Variants in CMTM7 observed in about 807,000 individuals in gnomAD.
The protein encoded by CMTM7 is CKLF-like MARVEL transmembrane domain-containing protein 7.
In CMTM7, 7 loss-of-function variants were observed where a neutral mutation model predicts 19.3. That is an observed-to-expected ratio of 0.36 (90% confidence interval 0.21 to 0.68). The LOEUF (loss-of-function observed/expected upper bound fraction) is 0.68. Ranked by LOEUF, CMTM7 falls within the 30% of genes least tolerant of loss-of-function variation. The pLI is 0.60. For synonymous variants in CMTM7, 87 were observed against 99.3 expected (o/e 0.88, Z 0.74); for missense variants, 193 against 232.6 (o/e 0.83, Z 1.11).
At chr3:32,408,986 G>A (rs989574365) in intron 1 of CMTM7, among the ~76,000 whole-genome samples, 4 of 151,990 alleles carry the variant, frequency 2.6e-5, no homozygotes, top group African/African-American at 7.2e-5. Flanking sequence ...GGGTTCAAGC[G>A]GTTCTCTTGC....
Position 32,391,939 on chromosome 3 carries a change from G to A in CMTM7, c.33G>A (p.Thr11=), listed in dbSNP as rs1187035524. 9 of 1,228,446 alleles carry A rather than the reference G, an allele frequency of 7.3e-6. No homozygotes were observed. The highest frequency in any genetic ancestry group is 9.1e-6 in the Non-Finnish European group (9 of 985,502). The allele number at this position is 1,228,446 out of a possible 1,614,324, so 76.1% of individuals were successfully genotyped here. Reference sequence around the variant, plus strand: ...ACGGAGCCGGGCTCGTCCGCACCACGTGCAGCAGCGGCAGCGCGCTCGGAC... The same window carrying A: ...ACGGAGCCGGGCTCGTCCGCACCACATGCAGCAGCGGCAGCGCGCTCGGAC... MSHGAGLVRT[T]CSSGSALGPG... Residue 11 remains threonine, a synonymous_variant, in exon 1 of 5, where the codon ACG becomes ACA. Transcript: ENST00000334983.
chr3:32,414,504 A>C (rs933266428), intron 1 of CMTM7, among the ~76,000 whole-genome samples: 1 of 152,194 alleles, frequency 6.6e-6, no homozygotes, highest in Non-Finnish European at 1.5e-5. Flanking sequence ...TGTCCACTCT[A>C]AGTCAATGTC....
At chr3:32,442,035 G>A in intron 2 of CMTM7, 22 bp downstream of exon 2, 1 of 1,610,842 alleles carries the variant, frequency 6.2e-7, no homozygotes, top group Non-Finnish European at 8.5e-7. Flanking sequence ...GTCTGGCCCT[G>A]TCCTCCGCAT....
At chr3:32,408,930 T>C (rs1696132054) in intron 1 of CMTM7, among the ~76,000 whole-genome samples, 1 of 152,100 alleles carries the variant, frequency 6.6e-6, no homozygotes, top group African/African-American at 2.4e-5. Context: ...GTCGCCAGGC[T>C]GGAGTGCAGT....
intron 1 of CMTM7, among the ~76,000 whole-genome samples, chr3:32,423,266 T>C (rs771587757): frequency 1.3e-5 from 2 of 152,166 alleles, no homozygotes; most frequent in Non-Finnish European, 2.9e-5. Flanking sequence ...AAAGCACACA[T>C]TGGGTGGTAT....
chr3:32,442,292 C>T (rs1407887371), intron 2 of CMTM7, among the ~76,000 whole-genome samples: 3 of 151,512 alleles, frequency 2.0e-5, no homozygotes, highest in African/African-American at 7.3e-5. Flanking sequence ...GGGCGGATCA[C>T]GAGGTCAGGA....
chr3:32,408,657 C>T (rs964896786), intron 1 of CMTM7, among the ~76,000 whole-genome samples: 4 of 152,196 alleles, frequency 2.6e-5, no homozygotes, highest in African/African-American at 9.6e-5. Flanking sequence ...TAGCCTTCCA[C>T]AGATGATGAA....
At chr3:32,392,800 G>A (rs570728872) in intron 1 of CMTM7, among the ~76,000 whole-genome samples, 1 of 152,294 alleles carries the variant, frequency 6.6e-6, no homozygotes, top group East Asian at 1.9e-4. Flanking sequence ...GAGTGTCTGG[G>A]CTTGGATTGT....
intron 1 of CMTM7, among the ~76,000 whole-genome samples, chr3:32,423,001 G>C (rs926560382): frequency 6.6e-6 from 1 of 152,188 alleles, no homozygotes; most frequent in African/African-American, 2.4e-5. Context: ...CATCATAACT[G>C]TAGGCACAAA....
rs1559405694 is a variant in CMTM7 at position 32,416,366 on chromosome 3, T to TCTTTC, written c.159+24301_159+24302insCTTTC. Among the ~76,000 whole-genome samples the TCTTTC allele has an allele frequency of 1.9e-4, 9 of 48,322 alleles. 3 individuals are homozygous for TCTTTC. The highest frequency in any genetic ancestry group is 2.0e-4 in the Admixed American group (1 of 5,072). The allele number at this position is 48,322 out of a possible 152,430, so 31.7% of individuals were successfully genotyped here. A position where few individuals can be genotyped will look rare whatever the true frequency, so the allele number is the denominator to read the frequency against. ...GTGCGCCACCATCCGGGCTAATTTT[T>TCTTTC]TTTTTTTTTTTTTTTTTTTTTTTTT... On this transcript the variant is annotated intron_variant, in intron 1 of 4. Transcript: ENST00000334983.
At chr3:32,421,418 G>A (rs1575116122) in intron 1 of CMTM7, among the ~76,000 whole-genome samples, 1 of 152,020 alleles carries the variant, frequency 6.6e-6, no homozygotes, top group Admixed American at 6.6e-5. Context: ...ATATACTCTT[G>A]TGCTTTCCCA....
chr3:32,430,714 T>TGTGTGTGTGTGTGA lies in CMTM7; in HGVS notation c.160-11125_160-11124insTGTGTGTGTGTGAG, dbSNP rs10634592. Among the ~76,000 whole-genome samples the TGTGTGTGTGTGTGA allele has an allele frequency of 3.7e-3, 558 of 149,666 alleles. 3 individuals are homozygous for TGTGTGTGTGTGTGA. Among genetic ancestry groups the TGTGTGTGTGTGTGA allele is most frequent in the South Asian group, 0.022 (103 of 4,702 alleles). ...GTGTGTGTGTGTGTGTGTGTGTGTG[T>TGTGTGTGTGTGTGA]GACACAGCTCTCCTGATGACCCTTT... is the stretch of plus-strand genomic sequence containing the variant. On this transcript the variant is annotated intron_variant, in intron 1 of 4. Coordinates refer to ENST00000334983, the MANE Select transcript of CMTM7 (RefSeq NM_138410.4).
chr3:32,429,891 G>A (rs1014035718), intron 1 of CMTM7, among the ~76,000 whole-genome samples: 12 of 152,098 alleles, frequency 7.9e-5, no homozygotes, highest in African/African-American at 2.7e-4. Context: ...GAGCCACTGC[G>A]CCCAGCCGAG....
chr3:32,428,861 C>A (rs191761758), intron 1 of CMTM7, among the ~76,000 whole-genome samples: 1 of 152,280 alleles, frequency 6.6e-6, no homozygotes, highest in African/African-American at 2.4e-5. Context: ...TGGAAAGCCG[C>A]AGATAACAGC....
rs1324523743 is a variant in CMTM7, at chr3:32,397,618, C to T, written c.159+5553C>T. Reference sequence around the variant, plus strand: ...GCGTGGTGGCACACGCCTGTAGTCCCAGCTACTCGGGAGGCTGAGGCAGGG... The same window carrying T: ...GCGTGGTGGCACACGCCTGTAGTCCTAGCTACTCGGGAGGCTGAGGCAGGG... On this transcript the variant is annotated intron_variant, in intron 1 of 4. Coordinates refer to ENST00000334983, the MANE Select transcript of CMTM7 (RefSeq NM_138410.4). Among the ~76,000 whole-genome samples, 14 of 151,998 alleles carry T rather than the reference C, an allele frequency of 9.2e-5. 1 individual carries two copies. The highest frequency in any genetic ancestry group is 9.2e-4 in the Admixed American group (14 of 15,242).
intron 1 of CMTM7, among the ~76,000 whole-genome samples, chr3:32,416,369 T>A (rs1369154759): frequency 1.2e-3 from 84 of 70,026 alleles, no homozygotes; most frequent in African/African-American, 5.4e-3. Flanking sequence ...TAATTTTTTT[T>A]TTTTTTTTTT....
intron 1 of CMTM7, among the ~76,000 whole-genome samples, chr3:32,416,744 G>T (rs1274829917): frequency 6.6e-6 from 1 of 152,182 alleles, no homozygotes; most frequent in Non-Finnish European, 1.5e-5. Flanking sequence ...CCTGGGCTCT[G>T]GTGTAGATGA....
rs147633949 is a variant in CMTM7 at position 32,405,519 on chromosome 3, C to T, written c.159+13454C>T. On this transcript the variant is annotated intron_variant, in intron 1 of 4. Coordinates refer to ENST00000334983, the MANE Select transcript of CMTM7 (RefSeq NM_138410.4). ...GTGGCCTGTTTTACATGCAGGAGCT[C>T]ATTCATCATTACCATATCCCTATGA... is the stretch of plus-strand genomic sequence containing the variant. Among the ~76,000 whole-genome samples the T allele has an allele frequency of 9.2e-5, 14 of 152,282 alleles. No homozygotes were observed. In the East Asian group the frequency reaches 2.7e-3, roughly 29 times the overall value.
chr3:32,406,609 A>G (rs1696095237), intron 1 of CMTM7, among the ~76,000 whole-genome samples: 1 of 152,228 alleles, frequency 6.6e-6, no homozygotes, highest in East Asian at 1.9e-4. Context: ...GTAGGGAACA[A>G]GAAGACCTGC....
Sources: allele counts gnomAD v4.1 joint callset (sites outside exome capture counted in the v4.1 genomes callset), GRCh38; gene constraint gnomAD v4.1.1; transcripts MANE v1.5; gene names NCBI Gene and HGNC (gene_info 2026-07-23, HGNC 2026-07-21).